IQCK: variants seen among roughly 807,000 people sequenced by gnomAD.
IQCK encodes IQ domain-containing protein K.
Under a neutral mutation model 28.1 loss-of-function variants are expected in IQCK, and 29 were observed. That is an observed-to-expected ratio of 1.03 (90% CI 0.77 to 1.41). IQCK has a LOEUF of 1.41. IQCK is among the 40% of genes most tolerant of loss of function. The probability of loss-of-function intolerance (pLI) is 0.00; values close to 1 mark genes in which losing one functional copy is unlikely to be tolerated. For synonymous variants in IQCK, 113 were observed against 115.1 expected (o/e 0.98, Z 0.12); for missense variants, 359 against 314.7 (o/e 1.14, Z -1.07).
At chr16:19,829,295 GT>G (rs905335941), downstream of IQCK, among the ~76,000 whole-genome samples, 15 of 150,692 alleles carry the variant, frequency 1.0e-4, no homozygotes, top group African/African-American at 3.7e-4. Context: ...CTCTTACAAT[GT>G]GCCAATGCCT....
At chr16:19,823,683 T>TA (rs1453684666) in intron 7 of IQCK, among the ~76,000 whole-genome samples, 2 of 152,188 alleles carry the variant, frequency 1.3e-5, no homozygotes, top group Non-Finnish European at 2.9e-5. Context: ...ACGCCTGTAA[T>TA]ACCAGCACTT....
At chr16:19,855,140 T>A (rs2056541720) in intron 9 of IQCK, among the ~76,000 whole-genome samples, 1 of 151,578 alleles carries the variant, frequency 6.6e-6, no homozygotes, top group South Asian at 2.1e-4. Context: ...ACCTGGGGAG[T>A]CTTTACACAC....
At chr16:19,804,309 A>C (rs560965543) in intron 7 of IQCK, among the ~76,000 whole-genome samples, 2 of 152,036 alleles carry the variant, frequency 1.3e-5, no homozygotes, top group East Asian at 3.9e-4. Flanking sequence ...ACACCACTGC[A>C]CTCCAGCCTG....
chr16:19,784,044 A>T (rs2055529750), intron 6 of IQCK, among the ~76,000 whole-genome samples: 1 of 152,176 alleles, frequency 6.6e-6, no homozygotes, highest in Non-Finnish European at 1.5e-5. Flanking sequence ...GCTGAACAGA[A>T]AGGCGCTATC....
At chr16:19,858,221 A>G in exon 10 of IQCK, 1 of 346,252 alleles carries the variant, frequency 2.9e-6, no homozygotes. Context: ...TTCTCCTCTC[A>G]CTCCCGCCTC....
intron 7 of IQCK, among the ~76,000 whole-genome samples, chr16:19,801,302 C>CTTTT (rs573505762): frequency 2.3e-5 from 2 of 87,946 alleles, no homozygotes; most frequent in Admixed American, 1.0e-4. Context: ...CTCTCTCTCT[C>CTTTT]TTTTTTTTTT....
At chr16:19,743,440 C>T (rs1343857304) in intron 4 of IQCK, among the ~76,000 whole-genome samples, 1 of 152,212 alleles carries the variant, frequency 6.6e-6, no homozygotes, top group African/African-American at 2.4e-5. Context: ...CATTCACAGA[C>T]AATGGAGAGC....
rs145019431 is a variant in IQCK, at chr16:19,838,073, T to A, written c.802+10936T>A. On this transcript the variant is annotated intron_variant, in intron 9 of 9. Coordinates refer to the IQCK transcript ENST00000320394. ...AGCAAAACAGAATATCCCATAGGTG[T>A]TTGCTGTAGAATATCCTGCCTCCCA... 3.1e-4 allele frequency among the ~76,000 whole-genome samples: 47 copies of A among 152,338 alleles called. No individual in the cohort carries two copies. The East Asian group carries it at 7.9e-3, about 26-fold the overall frequency.
intron 7 of IQCK, among the ~76,000 whole-genome samples, chr16:19,812,593 A>T (rs768288962): frequency 5.3e-5 from 8 of 152,214 alleles, no homozygotes; most frequent in Non-Finnish European, 1.2e-4. Flanking sequence ...ACAAAAAAAC[A>T]GTTTACTGAC....
At chr16:19,827,091 C>G (rs960180880) in exon 8 of IQCK, 2 of 1,613,962 alleles carry the variant, frequency 1.2e-6, no homozygotes, top group East Asian at 2.2e-5. Context: ...AGGCCAAGCA[C>G]ATTCACCAGC....
chr16:19,763,937 G>C (rs1342379581), intron 5 of IQCK, 37 bp downstream of exon 5: 2 of 1,601,662 alleles, frequency 1.2e-6, no homozygotes, highest in Non-Finnish European at 1.7e-6. Context: ...GTGATCCTAA[G>C]AATTCAGTCG....
chr16:19,727,057 G>A (rs1378513205), intron 1 of IQCK, among the ~76,000 whole-genome samples: 1 of 151,764 alleles, frequency 6.6e-6, no homozygotes, highest in Non-Finnish European at 1.5e-5. Flanking sequence ...CTTGAAGCTA[G>A]GAGGCAGAGG....
intron 1 of IQCK, among the ~76,000 whole-genome samples, chr16:19,729,258 G>C (rs1336367612): frequency 1.3e-5 from 2 of 151,946 alleles, no homozygotes; most frequent in African/African-American, 2.4e-5. Context: ...CAGGTGCCCG[G>C]CGCCATGCCT....
intron 4 of IQCK, among the ~76,000 whole-genome samples, chr16:19,748,914 C>CAA (rs1289061459): frequency 2.0e-5 from 3 of 151,958 alleles, no homozygotes; most frequent in Non-Finnish European, 4.4e-5. Flanking sequence ...CAAAACAAAA[C>CAA]AAAAAACCAG....
chr16:19,757,645 G>A (rs1264431687), intron 4 of IQCK, among the ~76,000 whole-genome samples: 1 of 152,172 alleles, frequency 6.6e-6, no homozygotes, highest in Non-Finnish European at 1.5e-5. Flanking sequence ...ACTCCAGCCT[G>A]GGCAACAGAG....
rs1402482180 is a variant in IQCK, at chr16:19,799,638, A to AC, written c.690+10717dup. ...CACACACACACACACACACACACAC[A>AC]CACCCAGTGAATACATTGAGTCATA... is the stretch of plus-strand genomic sequence containing the variant. On this transcript the variant is annotated intron_variant, in intron 7 of 7. Transcript: ENST00000564186. 2.0e-4 allele frequency among the ~76,000 whole-genome samples: 25 copies of AC among 126,010 alleles called. 5 individuals carry two copies. Among genetic ancestry groups the AC allele is most frequent in the African/African-American group, 1.1e-3 (24 of 21,916 alleles). The allele number at this position is 126,010 out of a possible 152,430, so 82.7% of individuals were successfully genotyped here.
intron 7 of IQCK, among the ~76,000 whole-genome samples, chr16:19,826,253 C>T (rs576145559): frequency 6.6e-6 from 1 of 152,292 alleles, no homozygotes; most frequent in South Asian, 2.1e-4. Flanking sequence ...AGCAATCCTC[C>T]TGCCTTGGCC....
At chr16:19,745,950 A>G (rs1056492575) in intron 4 of IQCK, among the ~76,000 whole-genome samples, 4 of 152,184 alleles carry the variant, frequency 2.6e-5, no homozygotes, top group African/African-American at 2.4e-5. Context: ...CCAAGAGGGT[A>G]AAAGCAAAAG....
At chr16:19,721,623 T>C (rs181248517) in intron 1 of IQCK, among the ~76,000 whole-genome samples, 58 of 150,968 alleles carry the variant, frequency 3.8e-4, no homozygotes, top group Non-Finnish European at 2.9e-5. Flanking sequence ...TCTGGCTCTG[T>C]CACCCAGGCT....
Sources: gnomAD v4.1 joint callset for allele counts (sites outside exome capture counted in the v4.1 genomes callset) on GRCh38, gnomAD v4.1.1 for gene constraint, MANE v1.5 for transcripts, NCBI Gene and HGNC (gene_info 2026-07-23, HGNC 2026-07-21) for gene names.